Variants in CHD9 observed in about 807,000 individuals in gnomAD.
The protein encoded by CHD9 is chromodomain helicase DNA binding protein 9.
In CHD9, 77 loss-of-function variants were observed where a neutral mutation model predicts 316.1. The observed-to-expected ratio is 0.24, with a 90% CI of 0.20 to 0.29. The LOEUF (loss-of-function observed/expected upper bound fraction) is 0.29, where lower values mean the gene tolerates loss of function less well. Among genes scored for constraint, CHD9 ranks in the 10% least tolerant of loss-of-function variants. The pLI, the probability that CHD9 is intolerant of heterozygous loss-of-function variation, is 1.00. For missense variants in CHD9, 2,763 were observed against 3,438.1 expected, an observed-to-expected ratio of 0.80 and a Z score of 4.91; for synonymous variants, 1,129 against 1,158.3, an observed-to-expected ratio of 0.97 and a Z score of 0.51.
chr16:53,205,272 C>G (rs563629100), intron 2 of CHD9, among the ~76,000 whole-genome samples: 2 of 152,280 alleles, frequency 1.3e-5, no homozygotes, highest in South Asian at 4.1e-4. Context: ...AATTATTTTA[C>G]TCCATTTGAA....
intron 1 of CHD9, among the ~76,000 whole-genome samples, chr16:53,091,376 T>C (rs2035931524): frequency 6.6e-6 from 1 of 152,198 alleles, no homozygotes; most frequent in Non-Finnish European, 1.5e-5. Context: ...ATCTGCCTCC[T>C]GGGATGATTG....
chr16:53,240,668 A>G (rs1328043631), intron 12 of CHD9, among the ~76,000 whole-genome samples: 1 of 152,098 alleles, frequency 6.6e-6, no homozygotes, highest in Non-Finnish European at 1.5e-5. Context: ...TTGAAATAAC[A>G]GTAGTACTAA....
Position 53,326,702 on chromosome 16 carries a change from T to C in CHD9, c.*1807T>C, listed in dbSNP as rs977038064. 5 of 152,510 alleles carry C rather than the reference T, an allele frequency of 3.3e-5. No homozygotes were observed. Among genetic ancestry groups the C allele is most frequent in the Admixed American group, 3.3e-4 (5 of 15,266 alleles). 9.4% of individuals were successfully genotyped at this position (152,510 alleles called of 1,614,324 possible). On this transcript the variant is annotated 3_prime_UTR_variant, in exon 39 of 39. Coordinates refer to ENST00000447540, the MANE Select transcript of CHD9 (RefSeq NM_001308319.2). Reference sequence around the variant, plus strand: ...AATGATATATTACATATTTAGTATCTTCCCTTTGCAGTATTGCACTTTTGT... The same window carrying C: ...AATGATATATTACATATTTAGTATCCTCCCTTTGCAGTATTGCACTTTTGT...
At chr16:53,315,690 G>A (rs2056828854) in intron 36 of CHD9, among the ~76,000 whole-genome samples, 2 of 152,084 alleles carry the variant, frequency 1.3e-5, no homozygotes, top group Non-Finnish European at 2.9e-5. Context: ...TGTTGGCCAA[G>A]GCTGGTCTCA....
At chr16:53,198,314 A>T (rs1466249775) in intron 2 of CHD9, among the ~76,000 whole-genome samples, 2 of 139,040 alleles carry the variant, frequency 1.4e-5, no homozygotes, top group South Asian at 2.5e-4. Flanking sequence ...ATAAGCATTC[A>T]ATTTTTTTTT....
chr16:53,118,793 C>CTTT lies in CHD9; in HGVS notation c.-164-37116_-164-37114dup, dbSNP rs565529283. 1.7e-3 allele frequency among the ~76,000 whole-genome samples: 220 copies of CTTT among 127,134 alleles called. 3 individuals are homozygous for CTTT. The highest frequency in any genetic ancestry group is 4.4e-3 in the Middle Eastern group (1 of 226). The allele number at this position is 127,134 out of a possible 152,430, so 83.4% of individuals were successfully genotyped here. A position where few individuals can be genotyped will look rare whatever the true frequency, so the allele number is the denominator to read the frequency against. On this transcript the variant is annotated intron_variant, in intron 1 of 38. Coordinates refer to ENST00000447540, the MANE Select transcript of CHD9 (RefSeq NM_001308319.2). ...ACATCTCAATAAAAAAGATAACTTTCTTTTTTTTTTTTTTTTTTTGACAGA... is the reference window on the plus strand; with the variant it reads ...ACATCTCAATAAAAAAGATAACTTTCTTTTTTTTTTTTTTTTTTTTTTGACAGA...
Position 53,280,298 on chromosome 16 carries a change from T to C in CHD9, c.4968-5298T>C, listed in dbSNP as rs142533797. Among the ~76,000 whole-genome samples, 1,412 of 151,514 alleles carry C rather than the reference T, an allele frequency of 9.3e-3. 13 individuals are homozygous for C. Among genetic ancestry groups the C allele is most frequent in the Non-Finnish European group, 0.014 (957 of 68,012 alleles). ...AAATGCCCATCAATCAACGAATGGA[T>C]AAAGAAACTGTGGTATATATGTATA... On this transcript the variant is annotated intron_variant, in intron 24 of 38. Coordinates refer to ENST00000447540, the MANE Select transcript of CHD9 (RefSeq NM_001308319.2).
In CHD9 at chr16:53,304,428, C is replaced by T. The variant is rs2055730259; in HGVS notation, c.6422C>T (p.Ser2141Leu). ...SSDSDSDSER[S>L]SCSSRSSSSS... ...GATTCTGACTCAGATTCTGAGAGAT[C>T]ATCTTGTTCTTCCAGATCATCTTCT... Residue 2141 changes from serine to leucine, a missense_variant, in exon 31 of 39, where the codon TCA becomes TTA. Ser to Leu is a moderately radical substitution (Grantham distance 145, BLOSUM62 -2). This residue lies in a region of CHD9 where 663 missense variants were observed against 751.2 expected (regional missense o/e 0.88). Coordinates refer to ENST00000447540, the MANE Select transcript of CHD9 (RefSeq NM_001308319.2). The T allele has an allele frequency of 6.3e-7, 1 of 1,599,038 alleles. No individual in the cohort carries two copies. The highest frequency in any genetic ancestry group is 8.5e-7 in the Non-Finnish European group (1 of 1,172,622).
At chr16:53,276,871 A>C (rs976195344) in intron 24 of CHD9, among the ~76,000 whole-genome samples, 2 of 152,178 alleles carry the variant, frequency 1.3e-5, no homozygotes, top group South Asian at 4.1e-4. Context: ...AGATTAACCA[A>C]GAAAAGAAGA....
At chr16:53,090,381 G>A (rs957900823) in intron 1 of CHD9, among the ~76,000 whole-genome samples, 2 of 152,212 alleles carry the variant, frequency 1.3e-5, no homozygotes, top group African/African-American at 4.8e-5. Context: ...ATTGTGGACA[G>A]TGAGAGTGAA....
intron 17 of CHD9, among the ~76,000 whole-genome samples, 186 bp from the exon 18 acceptor site, chr16:53,254,252 C>T (rs555963720): frequency 6.6e-6 from 1 of 152,224 alleles, no homozygotes; most frequent in Non-Finnish European, 1.5e-5. Flanking sequence ...TAAATTTTAA[C>T]TTACTACTGA....
chr16:53,294,373 C>T lies in CHD9; in HGVS notation c.5510+1321C>T, dbSNP rs117360088. Among the ~76,000 whole-genome samples, 18 of 152,254 alleles carry T rather than the reference C, an allele frequency of 1.2e-4. No homozygotes were observed. In the East Asian group the frequency reaches 3.3e-3, roughly 28 times the overall value. ...CTTAGTCATAATTTTCAAATACTACCGCCTCTGTAAATGAACTGTTTTTGT... is the reference window on the plus strand; with the variant it reads ...CTTAGTCATAATTTTCAAATACTACTGCCTCTGTAAATGAACTGTTTTTGT... On this transcript the variant is annotated intron_variant, in intron 29 of 38. Coordinates refer to ENST00000447540, the MANE Select transcript of CHD9 (RefSeq NM_001308319.2).
At chr16:53,290,213 G>T (rs1213971499) in intron 27 of CHD9, among the ~76,000 whole-genome samples, 1 of 152,194 alleles carries the variant, frequency 6.6e-6, no homozygotes, top group Non-Finnish European at 1.5e-5. Context: ...GGCGGAGGTT[G>T]CAGTGAGCTG....
At chr16:53,292,013 C>T (rs1894904) in intron 28 of CHD9, among the ~76,000 whole-genome samples, 47,184 of 152,018 alleles carry the variant, frequency 0.31, 7,479 homozygotes, top group Middle Eastern at 0.39. Context: ...TATGACTTGA[C>T]TATTAAACTT....
At chr16:53,063,227 C>T (rs1013708258) in intron 1 of CHD9, among the ~76,000 whole-genome samples, 40 of 152,122 alleles carry the variant, frequency 2.6e-4, no homozygotes, top group African/African-American at 8.9e-4. Flanking sequence ...ACTGAGCAAA[C>T]AGGCATAGAG....
intron 1 of CHD9, among the ~76,000 whole-genome samples, chr16:53,088,180 G>T (rs1224253173): frequency 1.3e-5 from 2 of 151,986 alleles, no homozygotes; most frequent in African/African-American, 4.8e-5. Context: ...TTCAGGTCTG[G>T]GGTCAGAGAG....
At chr16:53,210,156 G>A (rs911879172) in intron 3 of CHD9, among the ~76,000 whole-genome samples, 1 of 152,016 alleles carries the variant, frequency 6.6e-6, no homozygotes, top group African/African-American at 2.4e-5. Context: ...TTTCTTTACA[G>A]AGCATGCATT....
intron 1 of CHD9, among the ~76,000 whole-genome samples, chr16:53,080,385 G>A (rs1244625484): frequency 6.6e-6 from 1 of 152,168 alleles, no homozygotes; most frequent in African/African-American, 2.4e-5. Flanking sequence ...TGTTATTACA[G>A]TTGCTCAAGA....
chr16:53,208,436 G>C (rs1157773749), intron 2 of CHD9: 7 of 1,219,510 alleles, frequency 5.7e-6, no homozygotes, highest in Non-Finnish European at 7.3e-6. Flanking sequence ...ATTACTGGCT[G>C]CTGCTACGGG....
Sources: allele counts gnomAD v4.1 joint callset (sites outside exome capture counted in the v4.1 genomes callset), GRCh38; gene constraint gnomAD v4.1.1; regional missense constraint gnomAD v4.1.1; transcripts MANE v1.5; gene names NCBI Gene and HGNC (gene_info 2026-07-23, HGNC 2026-07-21).